The following GRHL2 variants were observed in gnomAD, a reference collection of about 807,000 sequenced individuals.
GRHL2 encodes the protein grainyhead like transcription factor 2.
Under a neutral mutation model 83.8 loss-of-function variants are expected in GRHL2, and 21 were observed. That is an observed-to-expected ratio of 0.25 (90% CI 0.18 to 0.36). GRHL2 has a LOEUF of 0.36. Among genes scored for constraint, GRHL2 ranks in the 10% least tolerant of loss-of-function variants. GRHL2 has a pLI of 1.00. For missense variants in GRHL2, 623 were observed against 781.8 expected, an observed-to-expected ratio of 0.80 and a Z score of 2.42; for synonymous variants, 280 against 278.9, an observed-to-expected ratio of 1.00 and a Z score of -0.04.
chr8:101,594,874 A>G (rs1161882474), intron 7 of GRHL2, among the ~76,000 whole-genome samples: 1 of 152,240 alleles, frequency 6.6e-6, no homozygotes, highest in Non-Finnish European at 1.5e-5. Context: ...AACATATATA[A>G]CTAATGAGAA....
At chr8:101,581,685 T>C (rs1359690212) in intron 7 of GRHL2, among the ~76,000 whole-genome samples, 1 of 152,190 alleles carries the variant, frequency 6.6e-6, no homozygotes, top group South Asian at 2.1e-4. Flanking sequence ...ACACCTACTA[T>C]GTGCCAGACC....
intron 13 of GRHL2, among the ~76,000 whole-genome samples, chr8:101,648,003 T>G (rs1314210503): frequency 6.6e-6 from 1 of 151,956 alleles, no homozygotes; most frequent in African/African-American, 2.4e-5. Context: ...GTTGGCAGGG[T>G]TTTTTGCCTT....
chr8:101,672,338 C>T (rs571832458), downstream of GRHL2, among the ~76,000 whole-genome samples: 114 of 151,668 alleles, frequency 7.5e-4, 4 homozygotes, highest in African/African-American at 2.7e-3. Flanking sequence ...ACTAGAATAA[C>T]CAATGCAGAG....
intron 8 of GRHL2, among the ~76,000 whole-genome samples, chr8:101,616,094 CTTTCTTCT>C (rs1812849996): frequency 7.4e-6 from 1 of 135,580 alleles, no homozygotes; most frequent in African/African-American, 2.7e-5. Context: ...CTTTCTCTTT[CTTTCTTCT>C]TTCTTTCTTT....
chr8:101,493,265 G>C (rs1810005431), intron 1 of GRHL2, among the ~76,000 whole-genome samples: 1 of 152,226 alleles, frequency 6.6e-6, no homozygotes, highest in African/African-American at 2.4e-5. Context: ...GCAACAAAGA[G>C]CTTTTATATG....
intron 1 of GRHL2, among the ~76,000 whole-genome samples, chr8:101,524,869 G>T (rs1810771211): frequency 6.6e-6 from 1 of 151,514 alleles, no homozygotes; most frequent in South Asian, 2.1e-4. Context: ...TATTATAATT[G>T]CTGATATATA....
At chr8:101,644,882 C>G (rs1184371191) in intron 13 of GRHL2, among the ~76,000 whole-genome samples, 1 of 150,832 alleles carries the variant, frequency 6.6e-6, no homozygotes. Flanking sequence ...GGGTCTTGCT[C>G]TGTCACCCAG....
intron 11 of GRHL2, 42 bp from the exon 12 acceptor site, chr8:101,636,855 C>T (rs775720742): frequency 6.3e-7 from 1 of 1,592,554 alleles, no homozygotes; most frequent in East Asian, 2.2e-5. Context: ...TTTTCCATTT[C>T]TTGTCTCTGA....
chr8:101,592,393 A>G (rs937574333), intron 7 of GRHL2, among the ~76,000 whole-genome samples: 8 of 152,096 alleles, frequency 5.3e-5, no homozygotes, highest in African/African-American at 1.7e-4. Flanking sequence ...ACGAGCCACC[A>G]TGCCCGGCCA....
intron 7 of GRHL2, among the ~76,000 whole-genome samples, chr8:101,578,570 A>G (rs1196339698): frequency 6.6e-6 from 1 of 152,226 alleles, no homozygotes; most frequent in Non-Finnish European, 1.5e-5. Flanking sequence ...ACAGTAATGT[A>G]TGTGTTTCCA....
chr8:101,666,688 G>A lies in GRHL2; in HGVS notation c.1863G>A (p.Thr621=), dbSNP rs201588336. ...MESMVEGFKV[T]LMEI ...GCATGGTGGAGGGCTTCAAGGTCAC[G>A]CTCATGGAAATCTAGCCCTGGGTTT... is the stretch of plus-strand genomic sequence containing the variant. Residue 621 remains threonine, a synonymous_variant, in exon 16 of 16, where the codon ACG becomes ACA. Transcript: ENST00000646743. 93 of 1,610,226 alleles carry A rather than the reference G, an allele frequency of 5.8e-5. No homozygotes were observed. The highest frequency in any genetic ancestry group is 8.9e-5 in the East Asian group (4 of 44,858).
chr8:101,509,143 TTCCTTCCTTCCTTC>T (rs1810403644), intron 1 of GRHL2, among the ~76,000 whole-genome samples: 3 of 79,652 alleles, frequency 3.8e-5, no homozygotes, highest in African/African-American at 1.1e-4. Flanking sequence ...CCTTCCTTCC[TTCCTTCCTTCCTTC>T]CTTTCTTTCT....
chr8:101,632,872 TA>T (rs559520707), intron 11 of GRHL2, among the ~76,000 whole-genome samples: 3 of 152,154 alleles, frequency 2.0e-5, no homozygotes, highest in Admixed American at 6.5e-5. Flanking sequence ...CAAGCCCCCT[TA>T]AAAAAATTCC....
At chr8:101,603,565 G>A (rs75246034) in intron 8 of GRHL2, among the ~76,000 whole-genome samples, 2,206 of 152,278 alleles carry the variant, frequency 0.014, 46 homozygotes, top group African/African-American at 0.051. Flanking sequence ...GCCAGGGAAG[G>A]TGTTAAAGCT....
chr8:101,532,686 G>C (rs1202279000), intron 1 of GRHL2, among the ~76,000 whole-genome samples: 3 of 151,454 alleles, frequency 2.0e-5, no homozygotes, highest in African/African-American at 4.9e-5. Flanking sequence ...CCTGGGAGGT[G>C]AAGGTTGCAG....
intron 11 of GRHL2, among the ~76,000 whole-genome samples, chr8:101,634,496 G>C (rs1473791147): frequency 6.6e-6 from 1 of 152,252 alleles, no homozygotes; most frequent in Admixed American, 6.5e-5. Flanking sequence ...TGCAGAACAA[G>C]AGCCAGCAGT....
intron 1 of GRHL2, 106 bp from the exon 2 acceptor site, chr8:101,543,135 T>C (rs986610807): frequency 3.4e-6 from 3 of 890,372 alleles, no homozygotes; most frequent in African/African-American, 3.3e-5. Flanking sequence ...TCCCCCATTC[T>C]GGGGAAATAA....
intron 1 of GRHL2, among the ~76,000 whole-genome samples, chr8:101,518,855 G>A (rs565168216): frequency 1.3e-5 from 2 of 152,282 alleles, no homozygotes; most frequent in Admixed American, 6.5e-5. Context: ...GTCCATGTTG[G>A]GAGGATATTA....
In GRHL2 at chr8:101,636,912, G is replaced by A. The variant is rs1430259512; in HGVS notation, c.1501G>A (p.Asp501Asn). 15 of 1,613,674 alleles carry A rather than the reference G, an allele frequency of 9.3e-6. No individual in the cohort carries two copies. The highest frequency in any genetic ancestry group is 2.2e-5 in the East Asian group (1 of 44,880). Residue 501 changes from aspartate to asparagine, a missense_variant, in exon 12 of 16, where the codon GAT (aspartate) becomes AAT (asparagine). Asp to Asn is a conservative substitution (Grantham distance 23). Transcript: ENST00000646743. ...TGTTCCACAGGTGTATTACAACACGGATGATGAACGAGAAGGGTAAGACAC... is the reference window on the plus strand; with the variant it reads ...TGTTCCACAGGTGTATTACAACACGAATGATGAACGAGAAGGGTAAGACAC... ...QRTGQVYYNTDDEREGGSVLV... is the reference protein window; with the variant it reads ...QRTGQVYYNTNDEREGGSVLV...
Sources: gnomAD v4.1 joint callset for allele counts (sites outside exome capture counted in the v4.1 genomes callset) on GRCh38, gnomAD v4.1.1 for gene constraint, MANE v1.5 for transcripts, NCBI Gene and HGNC (gene_info 2026-07-23, HGNC 2026-07-21) for gene names.